Variants in EZR observed in about 807,000 individuals in gnomAD.
The protein encoded by EZR is ezrin.
A neutral mutation model predicts 74.8 loss-of-function variants in EZR; 40 were observed. That is an observed-to-expected ratio of 0.53 (90% CI 0.42 to 0.70). The LOEUF is 0.70. Ranked by LOEUF, EZR falls within the 30% of genes least tolerant of loss-of-function variation. EZR has a pLI of 0.00. For synonymous variants in EZR, 341 were observed against 283.3 expected, an observed-to-expected ratio of 1.20 and a Z score of -2.05; for missense variants, 678 against 755.8, an observed-to-expected ratio of 0.90 and a Z score of 1.21.
At chr6:158,810,078 C>G (rs184359168) in intron 2 of EZR, among the ~76,000 whole-genome samples, 2 of 152,282 alleles carry the variant, frequency 1.3e-5, no homozygotes, top group South Asian at 2.1e-4. Context: ...AAAATATGAG[C>G]AAAATCTGAT....
At position 158,783,407 on chromosome 6, in the gene EZR, G is replaced by A. The variant is rs972031280; in HGVS notation, c.698+113C>T. 3.1e-5 allele frequency: 22 copies of A among 703,964 alleles called. 3 individuals carry two copies. The African/African-American group carries it at 5.8e-4, about 19-fold the overall frequency. The allele number at this position is 703,964 out of a possible 1,614,324, so 43.6% of individuals were successfully genotyped here. A position where few individuals can be genotyped will look rare whatever the true frequency, so the allele number is the denominator to read the frequency against. Reference sequence around the variant, plus strand: ...CCCTTTAAAAAGTTTCCTACTTTGGGATAGTAAGTTGCTAAATAAATACTT... The same window carrying A: ...CCCTTTAAAAAGTTTCCTACTTTGGAATAGTAAGTTGCTAAATAAATACTT... On this transcript the variant is annotated intron_variant, in intron 7 of 13. Coordinates refer to ENST00000367075, the MANE Select transcript of EZR (RefSeq NM_001111077.2).
At chr6:158,794,810 A>G (rs2128572561) in intron 2 of EZR, among the ~76,000 whole-genome samples, 1 of 152,340 alleles carries the variant, frequency 6.6e-6, no homozygotes, top group East Asian at 1.9e-4. Flanking sequence ...AGTTATGCTT[A>G]GCTTGGGGGT....
chr6:158,814,882 G>A (rs1777522337), intron 2 of EZR, among the ~76,000 whole-genome samples: 1 of 152,042 alleles, frequency 6.6e-6, no homozygotes, highest in Non-Finnish European at 1.5e-5. Flanking sequence ...AACAGTATTA[G>A]GAGAAAACAC....
At chr6:158,813,321 C>G (rs1011869169) in intron 2 of EZR, among the ~76,000 whole-genome samples, 4 of 152,192 alleles carry the variant, frequency 2.6e-5, no homozygotes, top group African/African-American at 7.2e-5. Context: ...GCCTCATGTA[C>G]CCCTCTTCAG....
intron 8 of EZR, among the ~76,000 whole-genome samples, chr6:158,773,584 C>CAA (rs1468457762): frequency 6.6e-6 from 1 of 152,168 alleles, no homozygotes. Flanking sequence ...CAAGACCCTA[C>CAA]AAATACAGAA....
chr6:158,809,218 G>A (rs1450983377), intron 2 of EZR, among the ~76,000 whole-genome samples: 1 of 110,596 alleles, frequency 9.0e-6, no homozygotes, highest in East Asian at 2.0e-4. Context: ...AGTAAAGTGG[G>A]GCACGGCACA....
At chr6:158,818,571 G>A (rs1323354078) in intron 1 of EZR, among the ~76,000 whole-genome samples, 15 of 150,662 alleles carry the variant, frequency 1.0e-4, no homozygotes, top group Non-Finnish European at 2.2e-4. Context: ...CGGGCCCCGG[G>A]GAACACTCGG....
intron 2 of EZR, among the ~76,000 whole-genome samples, chr6:158,805,124 C>T (rs536648972): frequency 6.6e-6 from 1 of 151,976 alleles, no homozygotes; most frequent in Non-Finnish European, 1.5e-5. Context: ...GGGTGGATCA[C>T]GAGGTCAGGC....
intron 4 of EZR, 47 bp downstream of exon 4, chr6:158,787,061 A>C (rs1303978706): frequency 2.2e-5 from 32 of 1,460,420 alleles, no homozygotes; most frequent in Admixed American, 8.6e-5. Flanking sequence ...TCGATGAAGC[A>C]GACCAACACC....
chr6:158,811,825 T>G (rs370111194), intron 2 of EZR, among the ~76,000 whole-genome samples: 6 of 150,508 alleles, frequency 4.0e-5, no homozygotes, highest in African/African-American at 1.5e-4. Context: ...CAGTGAGCTG[T>G]GACTGTGCCA....
At chr6:158,816,357 A>G (rs1381883265) in intron 2 of EZR, among the ~76,000 whole-genome samples, 1 of 152,256 alleles carries the variant, frequency 6.6e-6, no homozygotes. Flanking sequence ...CCATAAAAAT[A>G]AATTACCATT....
At chr6:158,796,345 G>A (rs371619808) in intron 2 of EZR, among the ~76,000 whole-genome samples, 10 of 152,162 alleles carry the variant, frequency 6.6e-5, no homozygotes, top group East Asian at 1.9e-4. Flanking sequence ...GTAACAATTC[G>A]CCTTATTAAA....
intron 7 of EZR, among the ~76,000 whole-genome samples, chr6:158,780,518 C>G (rs1242783216): frequency 6.6e-6 from 1 of 152,150 alleles, no homozygotes; most frequent in Non-Finnish European, 1.5e-5. Flanking sequence ...GAGTACCTAT[C>G]CGCAAGGAAT....
rs375973562 is a variant in EZR, at chr6:158,811,669, G to A, written c.12+6413C>T. ...TGAGCTCAGGAATTTGAGACTAGCC[G>A]CCTGGGCCACACAGTGAGATCTTGT... On this transcript the variant is annotated intron_variant, in intron 2 of 13. Transcript: ENST00000367075. Among the ~76,000 whole-genome samples, 10 of 152,228 alleles carry A rather than the reference G, an allele frequency of 6.6e-5. 1 individual carries two copies. Among genetic ancestry groups the A allele is most frequent in the African/African-American group, 2.2e-4 (9 of 41,542 alleles).
chr6:158,783,567 C>A lies in EZR; in HGVS notation c.651G>T (p.Trp217Cys). The change falls in exon 7 of 14, where the codon TGG becomes TGT. Residue 217 changes from tryptophan (W) to cysteine (C), a missense_variant. Trp to Cys is a radical substitution (Grantham distance 215, BLOSUM62 -2). Transcript: ENST00000367075. ...EIKNKKGTDL[W>C]LGVDALGLNI... is the part of the protein sequence containing the mutation. ...TCAGTCCAAGGGCATCAACTCCAAGCCAAAGGTCTGTTCCTTTCTTGTTTT... is the reference window on the plus strand; with the variant it reads ...TCAGTCCAAGGGCATCAACTCCAAGACAAAGGTCTGTTCCTTTCTTGTTTT... The A allele has an allele frequency of 6.2e-7, 1 of 1,613,482 alleles. No individual in the cohort carries two copies.
chr6:158,791,706 A>ATTTTTT (rs57581855), intron 2 of EZR, among the ~76,000 whole-genome samples: 4,521 of 96,026 alleles, frequency 0.047, 442 homozygotes, highest in Non-Finnish European at 0.07. Flanking sequence ...TTCAGACTCC[A>ATTTTTT]TTTTTTTTTT....
intron 4 of EZR, among the ~76,000 whole-genome samples, chr6:158,786,611 C>T (rs3123112): frequency 0.11 from 16,979 of 150,842 alleles, 979 homozygotes; most frequent in Middle Eastern, 0.15. Flanking sequence ...CACCTCCCAT[C>T]ATCTTTTTAA....
chr6:158,794,064 G>A (rs1482992605), intron 2 of EZR, among the ~76,000 whole-genome samples: 3 of 152,182 alleles, frequency 2.0e-5, no homozygotes, highest in African/African-American at 7.2e-5. Context: ...CTCACTAGAG[G>A]TCAGGCGTTC....
In EZR at chr6:158,785,585, T is replaced by C. The variant is rs1026295554; in HGVS notation, c.193-2A>G. The C allele has an allele frequency of 1.2e-6, 2 of 1,612,964 alleles. No homozygotes were observed. The highest frequency in any genetic ancestry group is 1.3e-5 in the African/African-American group (1 of 74,876). On this transcript the variant is annotated splice_acceptor_variant, in intron 4 of 13. Coordinates refer to ENST00000367075, the MANE Select transcript of EZR (RefSeq NM_001111077.2). LOFTEE classifies it high-confidence loss of function. ...CTTCCTGACCTCCTGGGCAGACACCTGCACGAAACAAGCCACACTCTCCAC... is the reference window on the plus strand; with the variant it reads ...CTTCCTGACCTCCTGGGCAGACACCCGCACGAAACAAGCCACACTCTCCAC...
Sources: allele counts gnomAD v4.1 joint callset (sites outside exome capture counted in the v4.1 genomes callset), GRCh38; gene constraint gnomAD v4.1.1; transcripts MANE v1.5; gene names NCBI Gene and HGNC (gene_info 2026-07-23, HGNC 2026-07-21).